Variants in RIN1 observed in about 807,000 individuals in gnomAD.
RIN1 encodes the protein ras inhibitor 1.
RIN1 carries 52 observed loss-of-function variants against 64.9 expected under a neutral mutation model. That is an observed-to-expected ratio of 0.80 (90% CI 0.64 to 1.01). RIN1 has a LOEUF of 1.01. Among genes scored for constraint, RIN1 ranks in the 50% least tolerant of loss-of-function variants. The pLI is 0.00. For missense variants in RIN1, 1,040 were observed against 1,064.5 expected (o/e 0.98, Z 0.32); for synonymous variants, 486 against 483.6 (o/e 1.00, Z -0.06).
rs771149031 is a variant in RIN1 at position 66,334,795 on chromosome 11, G to A, written c.1004C>T (p.Ala335Val). Reference sequence around the variant, plus strand: ...TCGGCGGCCCAGGTGGGGTGAGGTCGCTGGGCTCCCCCGGGACCCTGGCAC... The same window carrying A: ...TCGGCGGCCCAGGTGGGGTGAGGTCACTGGGCTCCCCCGGGACCCTGGCAC... Reference protein sequence around the residue: ...EGVPGSRGSPATSPHLGRRRP... With the variant: ...EGVPGSRGSPVTSPHLGRRRP... The change falls in exon 6 of 10, where the codon GCG becomes GTG. Residue 335 changes from alanine to valine, a missense_variant. Transcript: ENST00000311320. 4.5e-6 allele frequency: 7 copies of A among 1,547,420 alleles called. No individual in the cohort carries two copies. Among genetic ancestry groups the A allele is most frequent in the South Asian group, 2.4e-5 (2 of 84,292 alleles).
rs1590918309 is a variant in RIN1 at position 66,333,833 on chromosome 11, G to C, written c.1591+86C>G. ...TGGGCTCATTCTCTCCTGCAGGGCTGTTCTAGGGTCCTGGGGACCTGCCGC... is the reference window on the plus strand; with the variant it reads ...TGGGCTCATTCTCTCCTGCAGGGCTCTTCTAGGGTCCTGGGGACCTGCCGC... On this transcript the variant is annotated intron_variant, in intron 7 of 9. Transcript: ENST00000311320. 2.1e-6 allele frequency: 3 copies of C among 1,435,798 alleles called. No homozygotes were observed. In the East Asian group the frequency reaches 7.5e-5, roughly 36 times the overall value. 88.9% of individuals were successfully genotyped at this position (1,435,798 alleles called of 1,614,324 possible).
At chr11:66,332,815 G>A (rs1854770645) in intron 9 of RIN1, 63 bp from the exon 10 acceptor site, 2 of 1,246,868 alleles carry the variant, frequency 1.6e-6, no homozygotes, top group Non-Finnish European at 2.2e-6. Context: ...TGGCTCCAAA[G>A]CTGAGACATC....
chr11:66,333,537 A>T lies in RIN1; in HGVS notation c.1713T>A (p.Leu571=), dbSNP rs1479388358. The change falls in exon 8 of 10, where the codon CTT becomes CTA. Residue 571 remains leucine (L), a synonymous_variant. Coordinates refer to ENST00000311320, the MANE Select transcript of RIN1 (RefSeq NM_004292.3). ...YMSELLEPSL[L]TGEGGYYLTS... ...GTGGGGGTCCCTCACCCTCTCCAGT[A>T]AGCAGGCTGGGCTCCAGCAGCTCCG... 2 of 1,613,138 alleles carry T rather than the reference A, an allele frequency of 1.2e-6. No homozygotes were observed. Among genetic ancestry groups the T allele is most frequent in the Non-Finnish European group, 1.7e-6 (2 of 1,179,908 alleles).
chr11:66,335,768 G>A lies in RIN1; in HGVS notation c.376C>T (p.Pro126Ser). 1 of 1,613,336 alleles carries A rather than the reference G, an allele frequency of 6.2e-7. No homozygotes were observed. Among genetic ancestry groups the A allele is most frequent in the Non-Finnish European group, 8.5e-7 (1 of 1,179,660 alleles). ...CGCCAGGCCAGCCCCTCACCGCCAG[G>A]GCTCTCCAGGATGTAGTGGCTGGAG... is the stretch of plus-strand genomic sequence containing the variant. Reference protein sequence around the residue: ...FVSSHYILESPGGVSLEGSEL... With the variant: ...FVSSHYILESSGGVSLEGSEL... Residue 126 changes from proline to serine, a missense_variant, in exon 3 of 10, where the codon CCT becomes TCT. Transcript: ENST00000311320.
Position 66,335,615 on chromosome 11 carries a change from G to A in RIN1, c.450C>T (p.His150=), listed in dbSNP as rs1854868236. The A allele has an allele frequency of 1.2e-6, 2 of 1,613,750 alleles. No individual in the cohort carries two copies. The highest frequency in any genetic ancestry group is 1.7e-6 in the Non-Finnish European group (2 of 1,179,860). Residue 150 remains histidine, a synonymous_variant, in exon 4 of 10, where the codon CAC becomes CAT. Transcript: ENST00000311320. ...DLVQLICAYC[H]TRDILLLPLQ... ...CACCCTGCGGGCAGACTCACCGGGT[G>A]TGGCAGTAGGCACAGATGAGCTGGA...
intron 9 of RIN1, 113 bp from the exon 10 acceptor site, chr11:66,332,865 G>A: frequency 1.2e-6 from 1 of 828,764 alleles, no homozygotes; most frequent in South Asian, 1.8e-5. Flanking sequence ...GGTAGGTGGA[G>A]ATCCAGTGGG....
chr11:66,336,353 G>C lies in RIN1; in HGVS notation c.50C>G (p.Pro17Arg). The change falls in exon 1 of 10, where the codon CCG becomes CGG. Residue 17 changes from proline to arginine, a missense_variant. Physicochemically the swap from Pro to Arg is moderately radical, Grantham distance 103. Coordinates refer to ENST00000311320, the MANE Select transcript of RIN1 (RefSeq NM_004292.3). Reference sequence around the variant, plus strand: ...CAGGTGCCCAGTAGTGAAGCTGGACGGGCTGGGGGCTCCAGGAGAGCCCGC... The same window carrying C: ...CAGGTGCCCAGTAGTGAAGCTGGACCGGCTGGGGGCTCCAGGAGAGCCCGC... ...SGAGSPGAPS[P>R]SSFTTGHLAR... The C allele has an allele frequency of 6.2e-7, 1 of 1,613,690 alleles. No homozygotes were observed. Among genetic ancestry groups the C allele is most frequent in the Non-Finnish European group, 8.5e-7 (1 of 1,179,858 alleles).
chr11:66,336,031 G>A lies in RIN1; in HGVS notation c.214C>T (p.Leu72=). 2 of 1,468,972 alleles carry A rather than the reference G, an allele frequency of 1.4e-6. No individual in the cohort carries two copies. 91.0% of individuals were successfully genotyped at this position (1,468,972 alleles called of 1,614,324 possible). A position where few individuals can be genotyped will look rare whatever the true frequency, so the allele number is the denominator to read the frequency against. ...AGTGCGGCCGCTGCGTTGGCTTGCA[G>A]CTGCAGCCACACGGGCCGGGTGAGC... is the stretch of plus-strand genomic sequence containing the variant. The part of the protein sequence containing the change: ...LLLTRPVWLQ[L]QANAAAALHM... Residue 72 remains leucine, a synonymous_variant, in exon 2 of 10, where the codon CTG becomes TTG. Coordinates refer to ENST00000311320, the MANE Select transcript of RIN1 (RefSeq NM_004292.3).
At position 66,335,772 on chromosome 11, in the gene RIN1, C is replaced by T. The variant is rs776264613; in HGVS notation, c.372G>A (p.Glu124=). The change falls in exon 3 of 10, where the codon GAG becomes GAA. Residue 124 remains glutamate (E), a synonymous_variant. Transcript: ENST00000311320. Reference sequence around the variant, plus strand: ...AGGCCAGCCCCTCACCGCCAGGGCTCTCCAGGATGTAGTGGCTGGAGACGA... The same window carrying T: ...AGGCCAGCCCCTCACCGCCAGGGCTTTCCAGGATGTAGTGGCTGGAGACGA... ...PSFVSSHYIL[E]SPGGVSLEGS... is the part of the protein sequence containing the mutation. 4 of 1,613,258 alleles carry T rather than the reference C, an allele frequency of 2.5e-6. No individual in the cohort carries two copies. The South Asian group carries it at 4.4e-5, about 18-fold the overall frequency.
In RIN1 at chr11:66,332,039, G is replaced by A. The variant is rs1854743623; in HGVS notation, c.*237C>T. ...GCAGGCTGGCTCACCCTCAGCTGGG[G>A]GAGAAGAACAAGAGGCAAGGGGCCT... On this transcript the variant is annotated 3_prime_UTR_variant, in exon 10 of 10. Coordinates refer to ENST00000311320, the MANE Select transcript of RIN1 (RefSeq NM_004292.3). The A allele has an allele frequency of 3.5e-6, 2 of 573,014 alleles. No homozygotes were observed. The highest frequency in any genetic ancestry group is 3.1e-5 in the Admixed American group (1 of 32,720). The allele number at this position is 573,014 out of a possible 1,614,324, so 35.5% of individuals were successfully genotyped here.
In RIN1 at chr11:66,334,119, C is replaced by T. The variant is rs755515350; in HGVS notation, c.1391G>A (p.Arg464His). 2.6e-5 allele frequency: 40 copies of T among 1,551,860 alleles called. 1 individual carries two copies. Among genetic ancestry groups the T allele is most frequent in the South Asian group, 5.9e-5 (5 of 84,294 alleles). ...GGCCAGGCGGAGGCCCTCAGCTAGG[C>T]GGCCCAGGGAGCCGTCTGCGGCAAG... ...RRLAADGSLG[R>H]LAEGLRLARA... Residue 464 changes from arginine to histidine, a missense_variant, in exon 7 of 10, where the codon CGC (arginine) becomes CAC (histidine). Physicochemically the swap from Arg to His is conservative, Grantham distance 29. Transcript: ENST00000311320.
chr11:66,334,486 C>A, intron 6 of RIN1, 28 bp downstream of exon 6: 1 of 1,590,844 alleles, frequency 6.3e-7, no homozygotes, highest in Non-Finnish European at 8.5e-7. Flanking sequence ...TGGGGCAGTG[C>A]TGGAGCTATG....
rs1326770314 is a variant in RIN1, at chr11:66,331,230, G to A, written c.*1046C>T. The A allele has an allele frequency of 1.3e-5, 2 of 152,406 alleles. No individual in the cohort carries two copies. The highest frequency in any genetic ancestry group is 4.8e-5 in the African/African-American group (2 of 41,470). The allele number at this position is 152,406 out of a possible 1,614,324, so 9.4% of individuals were successfully genotyped here. A position where few individuals can be genotyped will look rare whatever the true frequency, so the allele number is the denominator to read the frequency against. On this transcript the variant is annotated 3_prime_UTR_variant, in exon 10 of 10. Transcript: ENST00000311320. ...CGGCCTTTGTGGGTGGCTTAGAATG[G>A]AGGGTGGAGTTGGAACCTGATGCCC...
intron 6 of RIN1, 118 bp downstream of exon 6, chr11:66,334,396 G>C: frequency 7.1e-7 from 1 of 1,402,920 alleles, no homozygotes; most frequent in Non-Finnish European, 9.7e-7. Context: ...CTCTCGAACA[G>C]TGGTAAGACA....
At chr11:66,333,802 G>C in intron 7 of RIN1, 117 bp downstream of exon 7, 1 of 1,411,638 alleles carries the variant, frequency 7.1e-7, no homozygotes, top group Non-Finnish European at 9.4e-7. Flanking sequence ...CTGCAAGAGG[G>C]GAGGGTGGGC....
upstream of RIN1, chr11:66,336,445 G>A (rs1376519649): frequency 1.9e-6 from 3 of 1,553,524 alleles, no homozygotes; most frequent in South Asian, 3.4e-5. Flanking sequence ...CCAGTCCCAA[G>A]GCAAGGCACG....
At chr11:66,333,832 T>G (rs1854799521) in intron 7 of RIN1, 87 bp downstream of exon 7, 1 of 1,426,500 alleles carries the variant, frequency 7.0e-7, no homozygotes. Context: ...CCTGCAGGGC[T>G]GTTCTAGGGT....
chr11:66,333,906 G>C lies in RIN1; in HGVS notation c.1591+13C>G, dbSNP rs1334917487. 6.6e-7 allele frequency: 1 copy of C among 1,507,008 alleles called. No homozygotes were observed. The highest frequency in any genetic ancestry group is 1.4e-5 in the African/African-American group (1 of 71,862). 93.4% of individuals were successfully genotyped at this position (1,507,008 alleles called of 1,614,324 possible). On this transcript the variant is annotated intron_variant, in intron 7 of 9. Coordinates refer to ENST00000311320, the MANE Select transcript of RIN1 (RefSeq NM_004292.3). ...AAGGGGCAGGGCAGGGTGAGGTGGT[G>C]GCAGGGACATACCTTCCTGGGTCCT...
In RIN1 at chr11:66,336,272, C is replaced by T. The variant is rs774134917; in HGVS notation, c.86+45G>A. The T allele has an allele frequency of 3.9e-6, 6 of 1,556,496 alleles. No homozygotes were observed. The South Asian group carries it at 4.7e-5, about 12-fold the overall frequency. On this transcript the variant is annotated intron_variant, in intron 1 of 9. Coordinates refer to ENST00000311320, the MANE Select transcript of RIN1 (RefSeq NM_004292.3). The stretch of plus-strand genomic sequence containing the variant: ...TATCCCCGGATAGGCCCTCCTCTCG[C>T]AGCCCCTCCCTGCCCCACCTGGCTG...
Sources: allele counts gnomAD v4.1 joint callset, GRCh38; gene constraint gnomAD v4.1.1; transcripts MANE v1.5; gene names NCBI Gene and HGNC (gene_info 2026-07-23, HGNC 2026-07-21).